UNC5C: variants seen among roughly 807,000 people sequenced by gnomAD.
The protein encoded by UNC5C is netrin receptor UNC5C.
Under a neutral mutation model 99.8 loss-of-function variants are expected in UNC5C, and 47 were observed. The ratio of observed to expected loss-of-function variants is 0.47; its 90% CI spans 0.37 to 0.60. The LOEUF (loss-of-function observed/expected upper bound fraction) is 0.60. Ranked by LOEUF, UNC5C falls within the 20% of genes least tolerant of loss-of-function variation. UNC5C has a pLI of 0.00. For missense variants in UNC5C, 1,062 were observed against 1,165.9 expected (o/e 0.91, Z 1.30); for synonymous variants, 487 against 452.2 (o/e 1.08, Z -0.98).
intron 7 of UNC5C, among the ~76,000 whole-genome samples, chr4:95,228,683 A>G (rs1486547941): frequency 2.0e-5 from 3 of 152,222 alleles, no homozygotes; most frequent in African/African-American, 7.2e-5. Flanking sequence ...GAATGAGGAG[A>G]GACAAGGAAA....
intron 1 of UNC5C, among the ~76,000 whole-genome samples, chr4:95,465,005 C>T (rs1303093126): frequency 6.6e-6 from 1 of 152,144 alleles, no homozygotes; most frequent in Non-Finnish European, 1.5e-5. Context: ...GAGCTTTTCA[C>T]AGAGAGATGA....
intron 7 of UNC5C, among the ~76,000 whole-genome samples, chr4:95,233,661 T>C (rs540916702): frequency 7.1e-4 from 108 of 152,268 alleles, no homozygotes; most frequent in Admixed American, 1.3e-3. Context: ...TTAGGCCCCA[T>C]GTGGTGGCTC....
intron 1 of UNC5C, among the ~76,000 whole-genome samples, chr4:95,374,745 C>G (rs368729597): frequency 6.6e-6 from 1 of 152,042 alleles, no homozygotes; most frequent in African/African-American, 2.4e-5. Flanking sequence ...GCCATCTAAC[C>G]CAGTCTAAGT....
Position 95,301,715 on chromosome 4 carries a change from C to T in UNC5C, c.381G>A (p.Ser127=), listed in dbSNP as rs1357471602. The T allele has an allele frequency of 2.5e-5, 41 of 1,612,940 alleles. No individual in the cohort carries two copies. The highest frequency in any genetic ancestry group is 6.7e-5 in the Admixed American group (4 of 59,984). ...LIVREVSIEI[S]RQQVEELFGP... is the part of the protein sequence containing the mutation. ...CAAAGAGTTCTTCCACTTGCTGGCG[C>T]GAAATCTCAATGCTCACTTCCCGGA... is the stretch of plus-strand genomic sequence containing the variant. Residue 127 remains serine (S), a synonymous_variant, in exon 3 of 16, where the codon TCG becomes TCA. Coordinates refer to ENST00000453304, the MANE Select transcript of UNC5C (RefSeq NM_003728.4).
intron 1 of UNC5C, among the ~76,000 whole-genome samples, chr4:95,464,350 T>C (rs773870456): frequency 2.0e-4 from 31 of 152,222 alleles, no homozygotes; most frequent in Non-Finnish European, 2.2e-4. Flanking sequence ...AAATTGCTAC[T>C]GCTGTTTTTG....
chr4:95,355,932 C>G (rs1483753), intron 1 of UNC5C, among the ~76,000 whole-genome samples: 89,801 of 151,798 alleles, frequency 0.59, 28,140 homozygotes, highest in African/African-American at 0.79. Flanking sequence ...GTGCACACTT[C>G]TTATTCCAGT....
chr4:95,199,860 G>T (rs1737585361), intron 12 of UNC5C, among the ~76,000 whole-genome samples: 1 of 152,156 alleles, frequency 6.6e-6, no homozygotes, highest in African/African-American at 2.4e-5. Flanking sequence ...AACCCAGCAT[G>T]ATTCCTATCC....
At chr4:95,320,593 G>A (rs1451828534) in intron 2 of UNC5C, among the ~76,000 whole-genome samples, 1 of 152,076 alleles carries the variant, frequency 6.6e-6, no homozygotes, top group African/African-American at 2.4e-5. Flanking sequence ...GCATATGCAC[G>A]GTTGCTGAGC....
intron 1 of UNC5C, among the ~76,000 whole-genome samples, chr4:95,436,548 C>T (rs2149462003): frequency 6.6e-6 from 1 of 151,978 alleles, no homozygotes; most frequent in East Asian, 1.9e-4. Context: ...TTTTTTGAGG[C>T]AGTCTTCTTG....
intron 12 of UNC5C, among the ~76,000 whole-genome samples, chr4:95,186,086 T>G (rs1736817841): frequency 6.6e-6 from 1 of 152,134 alleles, no homozygotes; most frequent in African/African-American, 2.4e-5. Flanking sequence ...CAGCAAACCA[T>G]TAGTTATCAA....
chr4:95,354,332 C>T (rs922225653), intron 1 of UNC5C, among the ~76,000 whole-genome samples: 2 of 151,596 alleles, frequency 1.3e-5, no homozygotes, highest in African/African-American at 4.9e-5. Context: ...ACCACTCCAA[C>T]CTCATCTTTC....
At chr4:95,202,621 C>T (rs1737720482) in intron 12 of UNC5C, 110 bp downstream of exon 12, 1 of 1,050,022 alleles carries the variant, frequency 9.5e-7, no homozygotes, top group Non-Finnish European at 1.4e-6. Flanking sequence ...AAACACGTGT[C>T]CACACACTTG....
intron 1 of UNC5C, among the ~76,000 whole-genome samples, chr4:95,353,999 T>G (rs919039063): frequency 6.6e-6 from 1 of 152,102 alleles, no homozygotes; most frequent in Non-Finnish European, 1.5e-5. Flanking sequence ...ACCTTCAAAA[T>G]CAAAGGATTG....
Position 95,206,614 on chromosome 4 carries a change from C to G in UNC5C, c.1902+14G>C. 1 of 1,613,894 alleles carries G rather than the reference C, an allele frequency of 6.2e-7. No homozygotes were observed. Among genetic ancestry groups the G allele is most frequent in the Non-Finnish European group, 8.5e-7 (1 of 1,179,910 alleles). ...TTATTCTTGCATAGCATCTTTATCC[C>G]GACAGCAGCTCACCTCCCACTGTCC... On this transcript the variant is annotated intron_variant, in intron 11 of 15. Coordinates refer to ENST00000453304, the MANE Select transcript of UNC5C (RefSeq NM_003728.4).
intron 6 of UNC5C, among the ~76,000 whole-genome samples, chr4:95,243,852 T>C (rs1280954433): frequency 6.6e-6 from 1 of 152,038 alleles, no homozygotes; most frequent in East Asian, 1.9e-4. Flanking sequence ...CACACACACA[T>C]TTCTATTTCA....
chr4:95,477,930 T>C (rs1295200426), intron 1 of UNC5C, among the ~76,000 whole-genome samples: 1 of 152,012 alleles, frequency 6.6e-6, no homozygotes, highest in African/African-American at 2.4e-5. Context: ...CTGGGACCAA[T>C]TAATAGTACC....
rs76864711 is a variant in UNC5C, at chr4:95,492,303, T to C, written c.124+56431A>G. 7.5e-3 allele frequency among the ~76,000 whole-genome samples: 1,135 copies of C among 151,528 alleles called. 19 individuals carry two copies. Among genetic ancestry groups the C allele is most frequent in the East Asian group, 0.048 (246 of 5,132 alleles). ...ATGTGTTTGCTTCTATCATGCTACTTCCGCCATTTATTGTTAATTTCTTTA... is the reference window on the plus strand; with the variant it reads ...ATGTGTTTGCTTCTATCATGCTACTCCCGCCATTTATTGTTAATTTCTTTA... On this transcript the variant is annotated intron_variant, in intron 1 of 15. Transcript: ENST00000453304.
chr4:95,187,750 A>AAGAC (rs1277144031), intron 12 of UNC5C, among the ~76,000 whole-genome samples: 1 of 152,144 alleles, frequency 6.6e-6, no homozygotes, highest in Non-Finnish European at 1.5e-5. Context: ...TGCCATTTTA[A>AAGAC]AGACAGTGGG....
chr4:95,321,834 G>A (rs1742704884), intron 2 of UNC5C, among the ~76,000 whole-genome samples: 1 of 152,172 alleles, frequency 6.6e-6, no homozygotes, highest in Admixed American at 6.5e-5. Context: ...GACATTATCA[G>A]ATTAACTCAG....
Sources: allele counts gnomAD v4.1 joint callset (sites outside exome capture counted in the v4.1 genomes callset), GRCh38; gene constraint gnomAD v4.1.1; transcripts MANE v1.5; gene names NCBI Gene and HGNC (gene_info 2026-07-23, HGNC 2026-07-21).